The following TRAT1 variants were observed in gnomAD, a reference collection of about 807,000 sequenced individuals.
TRAT1 encodes the protein T cell receptor associated transmembrane adaptor 1.
Under a neutral mutation model 20.0 loss-of-function variants are expected in TRAT1, and 20 were observed. The observed-to-expected ratio is 1.00, with a 90% confidence interval of 0.70 to 1.45. TRAT1 has a LOEUF of 1.45. TRAT1 is among the 40% of genes most tolerant of loss of function. The pLI is 0.00. For missense variants in TRAT1, 237 were observed against 224.1 expected (o/e 1.06, Z -0.37); for synonymous variants, 77 against 74.2 (o/e 1.04, Z -0.20).
intron 2 of TRAT1, among the ~76,000 whole-genome samples, chr3:108,835,204 G>A (rs1001251011): frequency 1.3e-5 from 2 of 152,136 alleles, no homozygotes; most frequent in African/African-American, 4.8e-5. Context: ...AACACTCTAA[G>A]AGGAAAAACA....
intron 5 of TRAT1, among the ~76,000 whole-genome samples, chr3:108,851,059 T>C (rs2715728): frequency 0.55 from 83,649 of 152,038 alleles, 23,446 homozygotes; most frequent in East Asian, 0.9. Flanking sequence ...AAATTAGAGG[T>C]AATATCTTCG....
Position 108,822,907 on chromosome 3 carries a change from A to G in TRAT1, c.-21A>G, listed in dbSNP as rs754653188. On this transcript the variant is annotated 5_prime_UTR_variant, in exon 1 of 6. Coordinates refer to ENST00000295756, the MANE Select transcript of TRAT1 (RefSeq NM_016388.4). ...ATATTTGTCTTATGGCTAGATAAAG[A>G]TTTCTCTGAAAAAAAGAAGCATGTC... 2 of 1,608,530 alleles carry G rather than the reference A, an allele frequency of 1.2e-6. No individual in the cohort carries two copies. Among genetic ancestry groups the G allele is most frequent in the South Asian group, 1.1e-5 (1 of 90,438 alleles).
At chr3:108,849,698 T>C (rs1366516682) in intron 5 of TRAT1, among the ~76,000 whole-genome samples, 2 of 152,218 alleles carry the variant, frequency 1.3e-5, no homozygotes, top group African/African-American at 2.4e-5. Context: ...AAAAGGCAGA[T>C]GACTTTCAAT....
At chr3:108,849,919 A>G (rs1168518646) in intron 5 of TRAT1, among the ~76,000 whole-genome samples, 3 of 152,180 alleles carry the variant, frequency 2.0e-5, no homozygotes, top group Admixed American at 6.5e-5. Flanking sequence ...TTTAGCCTAC[A>G]TGCTCCTGAA....
chr3:108,845,443 T>C (rs1945934121), intron 3 of TRAT1, among the ~76,000 whole-genome samples: 3 of 152,340 alleles, frequency 2.0e-5, no homozygotes, highest in Middle Eastern at 6.8e-3. Flanking sequence ...ATTCTTGGCA[T>C]GGAGAAAAAT....
intron 4 of TRAT1, among the ~76,000 whole-genome samples, chr3:108,848,468 C>T (rs1344519480): frequency 6.6e-6 from 1 of 152,146 alleles, no homozygotes; most frequent in South Asian, 2.1e-4. Flanking sequence ...CTTTCTTCTT[C>T]CTTTTAAATG....
Position 108,854,007 on chromosome 3 carries a change from C to T in TRAT1, c.*130C>T. 1 of 811,094 alleles carries T rather than the reference C, an allele frequency of 1.2e-6. No homozygotes were observed. Among genetic ancestry groups the T allele is most frequent in the Non-Finnish European group, 2.0e-6 (1 of 495,694 alleles). 50.2% of individuals were successfully genotyped at this position (811,094 alleles called of 1,614,324 possible). The stretch of plus-strand genomic sequence containing the variant: ...TGATCATTTGTTGATGGGATGGTGG[C>T]TTACCTCTTATTCACAGCTTACACT... On this transcript the variant is annotated 3_prime_UTR_variant, in exon 6 of 6. Coordinates refer to ENST00000295756, the MANE Select transcript of TRAT1 (RefSeq NM_016388.4).
intron 2 of TRAT1, among the ~76,000 whole-genome samples, chr3:108,833,234 A>ATT (rs1263849982): frequency 6.6e-6 from 1 of 152,186 alleles, no homozygotes; most frequent in Non-Finnish European, 1.5e-5. Context: ...CCTGGTCAAC[A>ATT]TGGAGAAACT....
At chr3:108,826,152 GT>G (rs1046215717) in intron 1 of TRAT1, among the ~76,000 whole-genome samples, 5 of 152,112 alleles carry the variant, frequency 3.3e-5, no homozygotes, top group Admixed American at 1.3e-4. Flanking sequence ...GAATCATGAT[GT>G]GCTAGGAAGA....
At chr3:108,833,550 T>C (rs1945813781) in intron 2 of TRAT1, among the ~76,000 whole-genome samples, 1 of 152,200 alleles carries the variant, frequency 6.6e-6, no homozygotes, top group Non-Finnish European at 1.5e-5. Flanking sequence ...AGTAGTGTAA[T>C]GGAAAGAACA....
chr3:108,841,738 C>T (rs1190176257), intron 3 of TRAT1, among the ~76,000 whole-genome samples: 1 of 152,220 alleles, frequency 6.6e-6, no homozygotes. Flanking sequence ...TTAAGGAAAC[C>T]ATAGCACCTA....
In TRAT1 at chr3:108,822,856, A is replaced by T; in HGVS notation, c.-72A>T. On this transcript the variant is annotated 5_prime_UTR_variant, in exon 1 of 6. The change creates a new upstream start codon in the 5' untranslated region. Coordinates refer to ENST00000295756, the MANE Select transcript of TRAT1 (RefSeq NM_016388.4). Reference sequence around the variant, plus strand: ...ACAGAGCAACATCACCTAGGAAAAAAGTTTGTAGGAGGATTTTTAATCCAT... The same window carrying T: ...ACAGAGCAACATCACCTAGGAAAAATGTTTGTAGGAGGATTTTTAATCCAT... 1 of 1,407,356 alleles carries T rather than the reference A, an allele frequency of 7.1e-7. No individual in the cohort carries two copies. Among genetic ancestry groups the T allele is most frequent in the Non-Finnish European group, 1.0e-6 (1 of 999,508 alleles). 87.2% of individuals were successfully genotyped at this position (1,407,356 alleles called of 1,614,324 possible). A position where few individuals can be genotyped will look rare whatever the true frequency, so the allele number is the denominator to read the frequency against.
chr3:108,823,767 T>C (rs1302985391), intron 1 of TRAT1, among the ~76,000 whole-genome samples: 1 of 152,238 alleles, frequency 6.6e-6, no homozygotes, highest in Non-Finnish European at 1.5e-5. Flanking sequence ...TCCCTTTTAA[T>C]ATAACTTCTG....
chr3:108,847,427 T>C (rs1945957737), intron 4 of TRAT1: 5 of 265,034 alleles, frequency 1.9e-5, no homozygotes, highest in South Asian at 6.0e-5. Flanking sequence ...CCGAATTCTA[T>C]GAAATAAAGC....
chr3:108,831,861 C>T (rs1278890560), intron 2 of TRAT1, among the ~76,000 whole-genome samples: 4 of 151,728 alleles, frequency 2.6e-5, no homozygotes, highest in Admixed American at 2.0e-4. Flanking sequence ...GTTTAAATAC[C>T]AAGAAACCCT....
chr3:108,840,891 G>GA lies in TRAT1; in HGVS notation c.152+1927dup, dbSNP rs1340929688. 6.6e-5 allele frequency among the ~76,000 whole-genome samples: 10 copies of GA among 152,368 alleles called. 1 individual carries two copies. Among genetic ancestry groups the GA allele is most frequent in the Admixed American group, 5.9e-4 (9 of 15,310 alleles). Reference sequence around the variant, plus strand: ...TCAGAAAAGCTGTCCAAGGTGGATGGAAACTCATCTTCCTGTTCCCCACCT... The same window carrying GA: ...TCAGAAAAGCTGTCCAAGGTGGATGGAAAACTCATCTTCCTGTTCCCCACCT... On this transcript the variant is annotated intron_variant, in intron 3 of 5. Coordinates refer to ENST00000295756, the MANE Select transcript of TRAT1 (RefSeq NM_016388.4).
intron 2 of TRAT1, among the ~76,000 whole-genome samples, chr3:108,831,088 T>C (rs1435580755): frequency 6.6e-6 from 1 of 152,202 alleles, no homozygotes; most frequent in Non-Finnish European, 1.5e-5. Flanking sequence ...TAGTCTATGC[T>C]GGGGCAGCCA....
intron 1 of TRAT1, among the ~76,000 whole-genome samples, chr3:108,826,580 T>C (rs906366942): frequency 1.3e-5 from 2 of 152,170 alleles, no homozygotes; most frequent in African/African-American, 4.8e-5. Context: ...ATGTGCCTTA[T>C]TTAGCACCAA....
chr3:108,839,087 G>C, intron 3 of TRAT1, 120 bp downstream of exon 3: 2 of 771,270 alleles, frequency 2.6e-6, no homozygotes, highest in Non-Finnish European at 4.4e-6. Context: ...AATGAAAAGT[G>C]AGTTTTAATT....
Sources: gnomAD v4.1 joint callset for allele counts (sites outside exome capture counted in the v4.1 genomes callset) on GRCh38, gnomAD v4.1.1 for gene constraint, MANE v1.5 for transcripts, NCBI Gene and HGNC (gene_info 2026-07-23, HGNC 2026-07-21) for gene names.